Variants in FOCAD observed in about 807,000 individuals in gnomAD.
FOCAD encodes focadhesin.
FOCAD carries 198 observed loss-of-function variants against 225.6 expected under a neutral mutation model. The observed-to-expected ratio is 0.88, with a 90% CI of 0.78 to 0.99. FOCAD has a LOEUF of 0.99. Among genes scored for constraint, FOCAD ranks in the 50% least tolerant of loss-of-function variants. FOCAD has a pLI of 0.00. For missense variants in FOCAD, 2,713 were observed against 2,123.6 expected, an observed-to-expected ratio of 1.28 and a Z score of -5.46; for synonymous variants, 897 against 755.0, an observed-to-expected ratio of 1.19 and a Z score of -3.08.
chr9:20,912,157 G>A (rs1375681946), intron 22 of FOCAD, among the ~76,000 whole-genome samples: 1 of 151,586 alleles, frequency 6.6e-6, no homozygotes, highest in Non-Finnish European at 1.5e-5. Context: ...CCAAGTTAGG[G>A]CCCATCAACA....
intron 35 of FOCAD, among the ~76,000 whole-genome samples, chr9:20,959,257 T>A (rs1442105669): frequency 6.6e-6 from 1 of 152,160 alleles, no homozygotes; most frequent in Non-Finnish European, 1.5e-5. Context: ...AGAGATGATA[T>A]CTCATTGTGG....
intron 36 of FOCAD, among the ~76,000 whole-genome samples, chr9:20,977,557 T>C (rs549473607): frequency 6.6e-6 from 1 of 152,364 alleles, no homozygotes; most frequent in African/African-American, 2.4e-5. Flanking sequence ...AAGAGCAATT[T>C]AAACAGTGTT....
At chr9:20,749,981 C>T (rs1587008707) in intron 5 of FOCAD, among the ~76,000 whole-genome samples, 1 of 152,152 alleles carries the variant, frequency 6.6e-6, no homozygotes, top group African/African-American at 2.4e-5. Context: ...TCCTTCCTCA[C>T]TCCATTCTGT....
intron 5 of FOCAD, among the ~76,000 whole-genome samples, chr9:20,748,464 C>G (rs577753391): frequency 6.6e-6 from 1 of 152,010 alleles, no homozygotes; most frequent in South Asian, 2.1e-4. Flanking sequence ...TTTGGACTTT[C>G]TCCTATTATA....
intron 11 of FOCAD, among the ~76,000 whole-genome samples, chr9:20,795,144 G>GA (rs1820917354): frequency 6.6e-6 from 1 of 152,168 alleles, no homozygotes; most frequent in Non-Finnish European, 1.5e-5. Flanking sequence ...TGTGAAGAGT[G>GA]AGAACATGAT....
intron 26 of FOCAD, chr9:20,927,937 C>G (rs1835109629): frequency 1.7e-5 from 2 of 119,730 alleles, no homozygotes; most frequent in Non-Finnish European, 3.7e-5. Context: ...GATTTTTAAC[C>G]ATAGTTGAGG....
intron 4 of FOCAD, among the ~76,000 whole-genome samples, chr9:20,737,764 G>A (rs1262639273): frequency 6.6e-6 from 1 of 152,164 alleles, no homozygotes; most frequent in Non-Finnish European, 1.5e-5. Context: ...CACAGGCCTG[G>A]GTCAGAGCTG....
chr9:20,720,316 A>G, intron 3 of FOCAD, 64 bp from the exon 4 acceptor site: 8 of 1,464,110 alleles, frequency 5.5e-6, no homozygotes, highest in Non-Finnish European at 6.6e-6. Context: ...TGAATGACCA[A>G]AGGTGTGTGT....
intron 11 of FOCAD, among the ~76,000 whole-genome samples, chr9:20,800,212 G>C (rs984635790): frequency 3.3e-5 from 5 of 152,160 alleles, no homozygotes; most frequent in East Asian, 1.9e-4. Flanking sequence ...TCTGCTGAGA[G>C]ATCAGCTGTT....
At chr9:20,993,481 G>A (rs1413744081) in intron 43 of FOCAD, among the ~76,000 whole-genome samples, 153 bp downstream of exon 43, 1 of 152,066 alleles carries the variant, frequency 6.6e-6, no homozygotes, top group Non-Finnish European at 1.5e-5. Flanking sequence ...TTTTGGATTT[G>A]GGTATATTTG....
intron 20 of FOCAD, among the ~76,000 whole-genome samples, chr9:20,883,726 A>G (rs1387511821): frequency 2.0e-5 from 3 of 152,232 alleles, no homozygotes; most frequent in African/African-American, 7.2e-5. Flanking sequence ...AAGCCATATA[A>G]CAACCTGTAG....
chr9:20,872,398 C>T (rs1829860642), intron 18 of FOCAD, among the ~76,000 whole-genome samples: 1 of 152,040 alleles, frequency 6.6e-6, no homozygotes, highest in African/African-American at 2.4e-5. Flanking sequence ...CCCTTTTATA[C>T]TAAATAATTC....
At chr9:20,900,126 G>T (rs1473658090) in intron 21 of FOCAD, among the ~76,000 whole-genome samples, 1 of 151,906 alleles carries the variant, frequency 6.6e-6, no homozygotes, top group Non-Finnish European at 1.5e-5. Flanking sequence ...GAAATTTGCT[G>T]CCAGTCTTGT....
chr9:20,670,951 C>T (rs982526335), intron 2 of FOCAD, among the ~76,000 whole-genome samples: 6 of 152,096 alleles, frequency 3.9e-5, no homozygotes, highest in African/African-American at 1.4e-4. Context: ...AAATAGCAAT[C>T]CTTATTATGT....
intron 5 of FOCAD, among the ~76,000 whole-genome samples, chr9:20,749,996 A>G (rs910529970): frequency 1.3e-5 from 2 of 152,158 alleles, no homozygotes; most frequent in African/African-American, 4.8e-5. Flanking sequence ...TTCTGTTAGG[A>G]TGCATGTACT....
intron 11 of FOCAD, among the ~76,000 whole-genome samples, chr9:20,801,577 A>C (rs1423965678): frequency 6.6e-6 from 1 of 152,178 alleles, no homozygotes; most frequent in South Asian, 2.1e-4. Context: ...GTAAAAAGTC[A>C]TAATAGGGGC....
chr9:20,710,610 A>T (rs769017154), intron 1 of FOCAD, among the ~76,000 whole-genome samples: 1 of 150,530 alleles, frequency 6.6e-6, no homozygotes, highest in Non-Finnish European at 1.5e-5. Flanking sequence ...AAAAAAAAAT[A>T]ATAATATAAC....
At chr9:20,794,581 T>C (rs1237303912) in intron 11 of FOCAD, among the ~76,000 whole-genome samples, 2 of 152,184 alleles carry the variant, frequency 1.3e-5, no homozygotes, top group African/African-American at 4.8e-5. Flanking sequence ...AGGCTACAGA[T>C]TGTTAGGACC....
Position 20,929,574 on chromosome 9 carries a change from C to T in FOCAD, c.3295C>T (p.Arg1099Cys), listed in dbSNP as rs779060459. The part of the protein sequence containing the change: ...MGLALGMFLS[R>C]LCEEKLSDIS... The stretch of plus-strand genomic sequence containing the variant: ...CCTTGCTTTAGGGATGTTTCTCTCT[C>T]GCTTGTGTGAAGAGAAACTCAGGTA... The change falls in exon 27 of 44, where the codon CGC (arginine) becomes TGC (cysteine). Residue 1099 changes from arginine (R) to cysteine (C), a missense_variant. Coordinates refer to ENST00000338382, the MANE Select transcript of FOCAD (RefSeq NM_001375567.1). 6.2e-6 allele frequency: 10 copies of T among 1,613,574 alleles called. No homozygotes were observed. Among genetic ancestry groups the T allele is most frequent in the Non-Finnish European group, 6.8e-6 (8 of 1,179,682 alleles).
Sources: allele counts gnomAD v4.1 joint callset (sites outside exome capture counted in the v4.1 genomes callset), GRCh38; gene constraint gnomAD v4.1.1; transcripts MANE v1.5; gene names NCBI Gene and HGNC (gene_info 2026-07-23, HGNC 2026-07-21).